Variants in ERAP1 observed in about 807,000 individuals in gnomAD.
ERAP1 encodes the protein adipocyte-derived leucine aminopeptidase.
ERAP1 carries 86 observed loss-of-function variants against 103.7 expected under a neutral mutation model. The observed-to-expected ratio is 0.83, with a 90% CI of 0.70 to 0.99. The LOEUF (loss-of-function observed/expected upper bound fraction) is 0.99, where lower values mean the gene tolerates loss of function less well. ERAP1 is among the 50% of genes least tolerant of loss of function. The probability of loss-of-function intolerance (pLI) is 0.00; values close to 1 mark genes in which losing one functional copy is unlikely to be tolerated. For synonymous variants in ERAP1, 398 were observed against 402.4 expected (o/e 0.99, Z 0.13); for missense variants, 1,009 against 1,128.4 (o/e 0.89, Z 1.52).
At chr5:96,917,438 AT>A in the ERAP1 span, 2 of 1,602,182 alleles carry the variant, frequency 1.2e-6, no homozygotes, top group Non-Finnish European at 1.7e-6. Context: ...AGTGTTAGTA[AT>A]TTTTTTCTTC....
At chr5:96,856,357 T>TAA in the ERAP1 span, among the ~76,000 whole-genome samples, 1 of 35,348 alleles carries the variant, frequency 2.8e-5, no homozygotes, top group Non-Finnish European at 6.8e-5. Context: ...AAAATATATA[T>TAA]ATATATATAG....
chr5:96,826,376 A>G, the ERAP1 span, among the ~76,000 whole-genome samples: 1 of 152,230 alleles, frequency 6.6e-6, no homozygotes, highest in Non-Finnish European at 1.5e-5. Context: ...AATTTCTGAA[A>G]GCTTCAAATA....
the ERAP1 span, among the ~76,000 whole-genome samples, chr5:96,859,779 T>C: frequency 4.6e-5 from 7 of 152,328 alleles, no homozygotes; most frequent in South Asian, 2.1e-4. Flanking sequence ...GTAGTACTTA[T>C]GGCATTATTA....
the ERAP1 span, among the ~76,000 whole-genome samples, chr5:96,820,995 G>T: frequency 1.3e-5 from 2 of 152,206 alleles, no homozygotes; most frequent in African/African-American, 4.8e-5. Context: ...GAGAAGAAGA[G>T]AGATTGATTC....
chr5:96,826,565 A>C, the ERAP1 span, among the ~76,000 whole-genome samples: 5 of 152,344 alleles, frequency 3.3e-5, no homozygotes, highest in East Asian at 1.9e-4. Flanking sequence ...AAAAAGAGCC[A>C]CAAATGGGTG....
the ERAP1 span, among the ~76,000 whole-genome samples, chr5:96,827,238 C>T: frequency 2.2e-4 from 34 of 152,276 alleles, no homozygotes; most frequent in East Asian, 6.0e-3. Context: ...GAGTAGTTCT[C>T]GTGAGTCTTT....
the ERAP1 span, among the ~76,000 whole-genome samples, chr5:96,914,148 T>TCACACACACACACACACA: frequency 0.011 from 1,641 of 148,030 alleles, 29 homozygotes; most frequent in African/African-American, 0.035. Flanking sequence ...TCTCTCTCTC[T>TCACACACACACACACACA]CACACACACA....
the ERAP1 span, chr5:96,900,146 C>G: frequency 7.4e-6 from 12 of 1,613,690 alleles, no homozygotes; most frequent in Non-Finnish European, 1.0e-5. Context: ...GATTTTACAT[C>G]TGGTGGAGTT....
chr5:96,796,177 C>A (rs1028188807), intron 4 of ERAP1, among the ~76,000 whole-genome samples: 3 of 152,266 alleles, frequency 2.0e-5, no homozygotes, highest in Admixed American at 1.3e-4. Flanking sequence ...GAACACAAAG[C>A]AATTCAGCAG....
chr5:96,838,992 C>T, the ERAP1 span, among the ~76,000 whole-genome samples: 4 of 152,204 alleles, frequency 2.6e-5, no homozygotes, highest in African/African-American at 9.6e-5. Context: ...GCTACAACTC[C>T]AGGAGTTCCC....
At position 96,807,934 on chromosome 5, in the gene ERAP1, G is replaced by T. The variant is rs912347142; in HGVS notation, c.-92C>A. The T allele has an allele frequency of 4.1e-6, 4 of 985,848 alleles. No individual in the cohort carries two copies. Among genetic ancestry groups the T allele is most frequent in the Admixed American group, 6.1e-5 (1 of 16,280 alleles). The allele number at this position is 985,848 out of a possible 1,614,324, so 61.1% of individuals were successfully genotyped here. ...CCGCCGGCCTAGCTCCCCCAGGACCGAAAGTGAAAGTGGAGCCCGGGGAGC... is the reference window on the plus strand; with the variant it reads ...CCGCCGGCCTAGCTCCCCCAGGACCTAAAGTGAAAGTGGAGCCCGGGGAGC... On this transcript the variant is annotated 5_prime_UTR_variant, in exon 1 of 19. Coordinates refer to ENST00000443439, the MANE Select transcript of ERAP1 (RefSeq NM_001040458.3).
At chr5:96,805,551 C>T (rs1260593533) in intron 1 of ERAP1, 1 of 152,172 alleles carries the variant, frequency 6.6e-6, no homozygotes, top group Non-Finnish European at 1.5e-5. Context: ...ATTCCCTTCT[C>T]CTCACCTCTG....
intron 7 of ERAP1, 75 bp from the exon 8 acceptor site, chr5:96,792,267 A>G: frequency 6.8e-7 from 1 of 1,463,774 alleles, no homozygotes; most frequent in Non-Finnish European, 9.6e-7. Flanking sequence ...GGGACATTTT[A>G]TCTGAGGCAA....
chr5:96,811,471 C>G (rs1006080065), upstream of ERAP1, among the ~76,000 whole-genome samples: 1 of 152,188 alleles, frequency 6.6e-6, no homozygotes, highest in African/African-American at 2.4e-5. Flanking sequence ...ATGGAAAAAG[C>G]CTGCTTTAAA....
At chr5:96,886,602 G>T in the ERAP1 span, 2 of 1,430,876 alleles carry the variant, frequency 1.4e-6, no homozygotes, top group Admixed American at 2.0e-5. Flanking sequence ...CATAGGCATG[G>T]TTATGAAATA....
At chr5:96,904,664 A>C in the ERAP1 span, among the ~76,000 whole-genome samples, 1 of 152,208 alleles carries the variant, frequency 6.6e-6, no homozygotes, top group Admixed American at 6.5e-5. Flanking sequence ...CTCAAAGGAG[A>C]AGCTCTGAGT....
chr5:96,847,675 G>T, the ERAP1 span, among the ~76,000 whole-genome samples: 1 of 152,152 alleles, frequency 6.6e-6, no homozygotes, highest in African/African-American at 2.4e-5. Context: ...AGGAATCATA[G>T]GAAGGTCGCA....
At chr5:96,766,094 A>G in intron 19 of ERAP1, 1 of 1,611,832 alleles carries the variant, frequency 6.2e-7, no homozygotes, top group Non-Finnish European at 8.5e-7. Flanking sequence ...TTGGAGAAAG[A>G]GATGACACTA....
chr5:96,901,477 T>G, the ERAP1 span: 4 of 1,609,220 alleles, frequency 2.5e-6, no homozygotes, highest in South Asian at 1.1e-5. Context: ...TCCTCTCTCT[T>G]GAGTTATCAT....
Sources: allele counts gnomAD v4.1 joint callset (sites outside exome capture counted in the v4.1 genomes callset), GRCh38; gene constraint gnomAD v4.1.1; transcripts MANE v1.5; gene names NCBI Gene and HGNC (gene_info 2026-07-23, HGNC 2026-07-21).